Variants in SEC24A observed in about 807,000 individuals in gnomAD.
The protein encoded by SEC24A is protein transport protein Sec24A.
Under a neutral mutation model 129.4 loss-of-function variants are expected in SEC24A, and 93 were observed. That is an observed-to-expected ratio of 0.72 (90% confidence interval 0.61 to 0.85). The LOEUF is 0.85. Ranked by LOEUF, SEC24A falls within the 40% of genes least tolerant of loss-of-function variation. The pLI, the probability that SEC24A is intolerant of heterozygous loss-of-function variation, is 0.00. For synonymous variants in SEC24A, 460 were observed against 467.3 expected, an observed-to-expected ratio of 0.98 and a Z score of 0.20; for missense variants, 1,264 against 1,307.4, an observed-to-expected ratio of 0.97 and a Z score of 0.51.
chr5:134,716,524 C>T (rs1009878673), intron 19 of SEC24A, among the ~76,000 whole-genome samples: 49 of 149,106 alleles, frequency 3.3e-4, no homozygotes, highest in African/African-American at 1.1e-3. Flanking sequence ...GTGGGCCAGG[C>T]GCAGTGGCTC....
At chr5:134,724,106 T>C (rs1383626963) in intron 22 of SEC24A, among the ~76,000 whole-genome samples, 2 of 152,212 alleles carry the variant, frequency 1.3e-5, no homozygotes, top group Admixed American at 1.3e-4. Context: ...TTGACTAACA[T>C]TTCTTCTTTC....
At chr5:134,711,189 T>C (rs1752315864) in intron 18 of SEC24A, among the ~76,000 whole-genome samples, 1 of 151,630 alleles carries the variant, frequency 6.6e-6, no homozygotes, top group East Asian at 1.9e-4. Flanking sequence ...GTTGGCCAGA[T>C]GCCATGGTTC....
chr5:134,711,962 T>TG (rs1561831373), intron 18 of SEC24A, among the ~76,000 whole-genome samples: 1 of 151,912 alleles, frequency 6.6e-6, no homozygotes, highest in African/African-American at 2.4e-5. Context: ...TTAGCCAGGA[T>TG]GGTCTCGATC....
intron 7 of SEC24A, among the ~76,000 whole-genome samples, chr5:134,679,362 A>T (rs1751181421): frequency 6.7e-6 from 1 of 149,226 alleles, no homozygotes; most frequent in South Asian, 2.1e-4. Context: ...CCAGCCAATA[A>T]TTTTTTTTTT....
At position 134,676,157 on chromosome 5, in the gene SEC24A, T is replaced by C. The variant is rs79304816; in HGVS notation, c.1254+32T>C. 4.2e-6 allele frequency: 6 copies of C among 1,441,464 alleles called. No homozygotes were observed. The South Asian group carries it at 4.9e-5, about 12-fold the overall frequency. The allele number at this position is 1,441,464 out of a possible 1,614,324, so 89.3% of individuals were successfully genotyped here. ...TTCTTTTCTTTTCTTTTTTTTTTTT[T>C]GAGACGGAGTCTCCCTCTGTCGCCC... On this transcript the variant is annotated intron_variant, in intron 7 of 22. Coordinates refer to ENST00000398844, the MANE Select transcript of SEC24A (RefSeq NM_021982.3).
rs751413883 is a variant in SEC24A at position 134,688,305 on chromosome 5, G to A, written c.1723+6G>A. On this transcript the variant is annotated splice_donor_region_variant and intron_variant, in intron 11 of 22. Transcript: ENST00000398844. The stretch of plus-strand genomic sequence containing the variant: ...AATAGTTTCAGATATTGAAGGTATA[G>A]ATTTATTGAACTACTTTCATAATTT... 5 of 1,451,470 alleles carry A rather than the reference G, an allele frequency of 3.4e-6. No individual in the cohort carries two copies. In the Admixed American group the frequency reaches 8.7e-5, roughly 25 times the overall value. The allele number at this position is 1,451,470 out of a possible 1,614,324, so 89.9% of individuals were successfully genotyped here.
chr5:134,705,112 TA>T (rs1440441148), intron 16 of SEC24A, among the ~76,000 whole-genome samples: 10 of 146,580 alleles, frequency 6.8e-5, no homozygotes, highest in African/African-American at 9.9e-5. Flanking sequence ...TTAATTAATT[TA>T]TTTTTTTTTA....
chr5:134,722,363 G>A (rs1049355236), intron 21 of SEC24A, among the ~76,000 whole-genome samples: 5 of 151,880 alleles, frequency 3.3e-5, no homozygotes, highest in South Asian at 2.1e-4. Context: ...TCAGGAGTTC[G>A]AGACCAGCCT....
At chr5:134,674,978 C>T (rs1219052522) in intron 5 of SEC24A, 67 bp from the exon 6 acceptor site, 8 of 1,340,372 alleles carry the variant, frequency 6.0e-6, no homozygotes, top group East Asian at 2.4e-5. Context: ...TTGTTATTTA[C>T]AGAGAAATTA....
At chr5:134,693,125 G>A (rs1044450846) in intron 12 of SEC24A, 2 of 1,535,354 alleles carry the variant, frequency 1.3e-6, no homozygotes, top group Non-Finnish European at 1.7e-6. Flanking sequence ...TGTGTCTGAA[G>A]GGGGGATGTT....
intron 8 of SEC24A, among the ~76,000 whole-genome samples, chr5:134,680,230 T>C (rs1373368074): frequency 6.6e-6 from 1 of 152,236 alleles, no homozygotes. Context: ...AGGACTATAA[T>C]GTAATCAACA....
chr5:134,699,542 G>A (rs1408326458), intron 15 of SEC24A, among the ~76,000 whole-genome samples: 2 of 151,140 alleles, frequency 1.3e-5, no homozygotes, highest in African/African-American at 4.9e-5. Flanking sequence ...CTGGTGATCC[G>A]TCCGCCTCGG....
At position 134,661,518 on chromosome 5, in the gene SEC24A, G is replaced by A. The variant is rs763123489; in HGVS notation, c.497G>A (p.Ser166Asn). Residue 166 changes from serine to asparagine, a missense_variant, in exon 2 of 23, where the codon AGT becomes AAT. Ser to Asn is a conservative substitution (Grantham distance 46, BLOSUM62 1). Transcript: ENST00000398844. ...SSQPTVSGNT[S>N]LTTNHQYVSS... ...CAACCAACTGTATCTGGAAATACAA[G>A]TTTAACCACAAATCATCAATATGTT... 1.2e-6 allele frequency: 2 copies of A among 1,614,152 alleles called. No individual in the cohort carries two copies. The highest frequency in any genetic ancestry group is 1.1e-5 in the South Asian group (1 of 91,086).
At chr5:134,698,695 A>T (rs924970790) in intron 15 of SEC24A, among the ~76,000 whole-genome samples, 1 of 146,912 alleles carries the variant, frequency 6.8e-6, no homozygotes, top group Non-Finnish European at 1.5e-5. Context: ...GCAGTGACAC[A>T]ATCTTGGCTA....
chr5:134,683,050 T>C (rs1474715740), intron 9 of SEC24A, among the ~76,000 whole-genome samples: 1 of 151,412 alleles, frequency 6.6e-6, no homozygotes, highest in African/African-American at 2.4e-5. Flanking sequence ...TGAGACGGAG[T>C]CTCACTCTGT....
Position 134,676,001 on chromosome 5 carries a change from C to A in SEC24A, c.1152-22C>A, listed in dbSNP as rs374242926. The A allele has an allele frequency of 5.9e-6, 9 of 1,527,092 alleles. No homozygotes were observed. The African/African-American group carries it at 1.3e-4, about 21-fold the overall frequency. The allele number at this position is 1,527,092 out of a possible 1,614,324, so 94.6% of individuals were successfully genotyped here. A position where few individuals can be genotyped will look rare whatever the true frequency, so the allele number is the denominator to read the frequency against. On this transcript the variant is annotated intron_variant, in intron 6 of 22. Coordinates refer to ENST00000398844, the MANE Select transcript of SEC24A (RefSeq NM_021982.3). Reference sequence around the variant, plus strand: ...AAAATAATCATAGCAGCAACTGATACATACTTTTTACTTTGATATAGGTTA... The same window carrying A: ...AAAATAATCATAGCAGCAACTGATAAATACTTTTTACTTTGATATAGGTTA...
intron 1 of SEC24A, among the ~76,000 whole-genome samples, chr5:134,657,815 C>T (rs951078761): frequency 1.3e-5 from 2 of 152,058 alleles, no homozygotes; most frequent in African/African-American, 2.4e-5. Context: ...GAGGTCAAGC[C>T]GTGCTCCCAC....
chr5:134,722,044 G>A (rs1398356689), intron 21 of SEC24A, among the ~76,000 whole-genome samples: 1 of 152,194 alleles, frequency 6.6e-6, no homozygotes, highest in Non-Finnish European at 1.5e-5. Flanking sequence ...TTGACGTCAT[G>A]CTAAAATGAA....
intron 2 of SEC24A, among the ~76,000 whole-genome samples, chr5:134,662,210 A>G (rs1750492347): frequency 3.9e-5 from 6 of 151,994 alleles, no homozygotes; most frequent in Admixed American, 2.0e-4. Flanking sequence ...GCTGGAGTGC[A>G]GTGGCGTGAT....
Sources: allele counts gnomAD v4.1 joint callset (sites outside exome capture counted in the v4.1 genomes callset), GRCh38; gene constraint gnomAD v4.1.1; transcripts MANE v1.5; gene names NCBI Gene and HGNC (gene_info 2026-07-23, HGNC 2026-07-21).